The following EXOC2 variants were observed in gnomAD, a reference collection of about 807,000 sequenced individuals.
EXOC2 encodes SEC5-like 1.
A neutral mutation model predicts 131.8 loss-of-function variants in EXOC2; 70 were observed. That is an observed-to-expected ratio of 0.53 (90% CI 0.44 to 0.65). The LOEUF is 0.65. Among genes scored for constraint, EXOC2 ranks in the 30% least tolerant of loss-of-function variants. The pLI is 0.00. For missense variants in EXOC2, 923 were observed against 1,108.6 expected, an observed-to-expected ratio of 0.83 and a Z score of 2.38; for synonymous variants, 411 against 398.4, an observed-to-expected ratio of 1.03 and a Z score of -0.38.
At chr6:492,665 G>C (rs1295262410) in intron 25 of EXOC2, among the ~76,000 whole-genome samples, 1 of 152,144 alleles carries the variant, frequency 6.6e-6, no homozygotes, top group Admixed American at 6.5e-5. Flanking sequence ...ATATTTTCAT[G>C]TTTCCATTTA....
intron 1 of EXOC2, chr6:656,979 G>A (rs777558976): frequency 3.4e-6 from 5 of 1,482,084 alleles, no homozygotes; most frequent in South Asian, 1.4e-5. Context: ...GGCCTCTGAG[G>A]GGGATTCCGC....
At chr6:505,125 A>G (rs1200890612) in intron 23 of EXOC2, among the ~76,000 whole-genome samples, 2 of 151,726 alleles carry the variant, frequency 1.3e-5, no homozygotes, top group African/African-American at 4.8e-5. Flanking sequence ...GCATATAGGA[A>G]CACAACAACG....
At chr6:598,258 A>C (rs1396822475) in intron 9 of EXOC2, 135 bp from the exon 10 acceptor site, 1 of 631,332 alleles carries the variant, frequency 1.6e-6, no homozygotes, top group South Asian at 2.0e-5. Flanking sequence ...TGATCAGAAC[A>C]CTATCTCCGA....
chr6:486,589 C>A lies in EXOC2; in HGVS notation c.*82G>T. On this transcript the variant is annotated 3_prime_UTR_variant, in exon 28 of 28. Transcript: ENST00000230449. ...AAAATGGCAAACCCAATGTTTAATA[C>A]ACCAAATACCTTTAGGGTACTTAGA... 1 of 1,262,930 alleles carries A rather than the reference C, an allele frequency of 7.9e-7. No individual in the cohort carries two copies. The highest frequency in any genetic ancestry group is 1.3e-5 in the South Asian group (1 of 75,766). 78.2% of individuals were successfully genotyped at this position (1,262,930 alleles called of 1,614,324 possible).
intron 23 of EXOC2, among the ~76,000 whole-genome samples, chr6:514,492 TTTC>T (rs1482495370): frequency 6.6e-6 from 1 of 152,230 alleles, no homozygotes; most frequent in African/African-American, 2.4e-5. Flanking sequence ...GTGGTTTAAC[TTTC>T]TTAACAAATT....
At chr6:670,958 T>C (rs1202250787) in intron 1 of EXOC2, among the ~76,000 whole-genome samples, 3 of 147,520 alleles carry the variant, frequency 2.0e-5, no homozygotes, top group African/African-American at 7.6e-5. Flanking sequence ...TGCACACCTG[T>C]AGTCCCAGCT....
At chr6:542,244 A>T (rs1469209835) in intron 22 of EXOC2, among the ~76,000 whole-genome samples, 1 of 152,188 alleles carries the variant, frequency 6.6e-6, no homozygotes, top group African/African-American at 2.4e-5. Context: ...TACATCCTAC[A>T]TTATGCGATA....
chr6:493,784 T>C (rs554479143), intron 25 of EXOC2, among the ~76,000 whole-genome samples: 8 of 152,236 alleles, frequency 5.3e-5, no homozygotes, highest in Non-Finnish European at 1.2e-4. Context: ...AAAATACACA[T>C]GTCTGTCCAG....
intron 17 of EXOC2, among the ~76,000 whole-genome samples, chr6:560,548 G>C (rs1757645031): frequency 6.6e-6 from 1 of 152,202 alleles, no homozygotes. Flanking sequence ...GGTAGTGCAT[G>C]TAAAACGTGG....
chr6:558,387 T>A (rs1449010751), intron 17 of EXOC2, among the ~76,000 whole-genome samples: 1 of 152,140 alleles, frequency 6.6e-6, no homozygotes, highest in Non-Finnish European at 1.5e-5. Context: ...AGAGGCAAAA[T>A]GTTTGTTAGG....
intron 7 of EXOC2, among the ~76,000 whole-genome samples, chr6:605,330 A>G (rs1325825350): frequency 6.6e-6 from 1 of 152,220 alleles, no homozygotes; most frequent in African/African-American, 2.4e-5. Flanking sequence ...AAACTCACTT[A>G]TTGTTGGTTA....
At chr6:504,423 A>G (rs1383868530) in intron 23 of EXOC2, among the ~76,000 whole-genome samples, 1 of 152,232 alleles carries the variant, frequency 6.6e-6, no homozygotes, top group Non-Finnish European at 1.5e-5. Flanking sequence ...CAGGACCAGA[A>G]TCTGATTTTT....
chr6:514,576 G>C (rs193014903), intron 23 of EXOC2, among the ~76,000 whole-genome samples: 6 of 152,198 alleles, frequency 3.9e-5, no homozygotes, highest in Non-Finnish European at 1.5e-5. Flanking sequence ...TGCTCTGAGC[G>C]CGTGGTTTGG....
chr6:674,431 C>A lies in EXOC2; in HGVS notation c.-44+18588G>T, dbSNP rs915872255. Among the ~76,000 whole-genome samples the A allele has an allele frequency of 5.9e-5, 9 of 152,206 alleles. No homozygotes were observed. In the East Asian group the frequency reaches 1.7e-3, roughly 29 times the overall value. On this transcript the variant is annotated intron_variant, in intron 1 of 27. Transcript: ENST00000230449. ...CATGTACCCTGTTAAAAAAAAATTA[C>A]CTTGTACTAAATATGAACTGTGAAC...
chr6:648,192 T>G (rs968959991), intron 1 of EXOC2, among the ~76,000 whole-genome samples: 2 of 152,234 alleles, frequency 1.3e-5, no homozygotes, highest in African/African-American at 4.8e-5. Flanking sequence ...GTGAATGAAC[T>G]ATAGGAAGAG....
Position 506,385 on chromosome 6 carries a change from A to AT in EXOC2, c.2381-6686dup, listed in dbSNP as rs1268487662. Among the ~76,000 whole-genome samples the AT allele has an allele frequency of 6.6e-6, 1 of 152,210 alleles. No homozygotes were observed. The highest frequency in any genetic ancestry group is 2.4e-5 in the African/African-American group (1 of 41,454). On this transcript the variant is annotated intron_variant, in intron 23 of 27. Coordinates refer to ENST00000230449, the MANE Select transcript of EXOC2 (RefSeq NM_018303.6). The surrounding 1 kb of genome is among the most constrained non-coding windows in gnomAD (Gnocchi z 4.4). The stretch of plus-strand genomic sequence containing the variant: ...ATGCCAAATGTATGGTGCACACAGT[A>AT]TTAGGGAGGGATCATCAGTGTGGAC...
Position 491,980 on chromosome 6 carries a change from ATCCTT to A in EXOC2, c.2560-799_2560-795del, listed in dbSNP as rs1010029126. Among the ~76,000 whole-genome samples the A allele has an allele frequency of 9.2e-5, 14 of 152,360 alleles. No homozygotes were observed. The East Asian group carries it at 2.1e-3, about 23-fold the overall frequency. On this transcript the variant is annotated intron_variant, in intron 25 of 27. Coordinates refer to ENST00000230449, the MANE Select transcript of EXOC2 (RefSeq NM_018303.6). ...TCCACATGCAGAAGAATGAAGTTGA[ATCCTT>A]TCCTTAACACAAAAATTAACACGGA...
chr6:583,580 G>A (rs1246147533), intron 11 of EXOC2, among the ~76,000 whole-genome samples: 1 of 152,180 alleles, frequency 6.6e-6, no homozygotes, highest in East Asian at 1.9e-4. Flanking sequence ...TGAGTGCTAT[G>A]CTATTCCAAA....
intron 1 of EXOC2, among the ~76,000 whole-genome samples, chr6:692,141 A>C (rs534981676): frequency 3.2e-4 from 49 of 152,036 alleles, no homozygotes; most frequent in African/African-American, 1.2e-3. Flanking sequence ...ATTTAATTAA[A>C]GTGTGGCTAA....
Sources: allele counts gnomAD v4.1 joint callset (sites outside exome capture counted in the v4.1 genomes callset), GRCh38; gene constraint gnomAD v4.1.1; non-coding constraint Gnocchi (gnomAD v3.1); transcripts MANE v1.5; gene names NCBI Gene and HGNC (gene_info 2026-07-23, HGNC 2026-07-21).